Variants in CNTN4 observed in about 807,000 individuals in gnomAD.
CNTN4 encodes contactin 4, also known as contactin-4.
Under a neutral mutation model 122.5 loss-of-function variants are expected in CNTN4, and 77 were observed. The observed-to-expected ratio is 0.63, with a 90% CI of 0.52 to 0.76. The LOEUF (loss-of-function observed/expected upper bound fraction) is 0.76. CNTN4 is among the 30% of genes least tolerant of loss of function. CNTN4 has a pLI of 0.00. For synonymous variants in CNTN4, 512 were observed against 447.0 expected, an observed-to-expected ratio of 1.15 and a Z score of -1.83; for missense variants, 1,256 against 1,259.1, an observed-to-expected ratio of 1.00 and a Z score of 0.04.
At chr3:2,654,628 A>G (rs1220810620) in intron 4 of CNTN4, among the ~76,000 whole-genome samples, 1 of 152,198 alleles carries the variant, frequency 6.6e-6, no homozygotes, top group African/African-American at 2.4e-5. Context: ...CCCTGCTCAC[A>G]GTATGTATTT....
chr3:2,852,143 C>T (rs1027483985), intron 7 of CNTN4, among the ~76,000 whole-genome samples: 1 of 152,130 alleles, frequency 6.6e-6, no homozygotes, highest in African/African-American at 2.4e-5. Flanking sequence ...TATTTGTTAG[C>T]ATAATAAGCA....
At chr3:2,135,352 C>G (rs999026785) in intron 2 of CNTN4, among the ~76,000 whole-genome samples, 11 of 152,128 alleles carry the variant, frequency 7.2e-5, no homozygotes, top group African/African-American at 2.2e-4. Flanking sequence ...AATACGAGTA[C>G]TATCTGAAAG....
intron 10 of CNTN4, among the ~76,000 whole-genome samples, chr3:2,891,274 G>A (rs1050770871): frequency 5.3e-5 from 8 of 151,970 alleles, no homozygotes; most frequent in African/African-American, 1.2e-4. Flanking sequence ...AACCAGCTCC[G>A]TCTCTACTAA....
intron 3 of CNTN4, among the ~76,000 whole-genome samples, chr3:2,562,768 T>C (rs1600358): frequency 0.61 from 92,404 of 151,554 alleles, 28,673 homozygotes; most frequent in Middle Eastern, 0.72. Flanking sequence ...CTGTCACCCA[T>C]GCTGGAGTGC....
intron 6 of CNTN4, among the ~76,000 whole-genome samples, chr3:2,777,856 A>AT (rs1177577178): frequency 6.6e-6 from 1 of 152,110 alleles, no homozygotes. Flanking sequence ...GACTTAACCT[A>AT]TTACTATGTC....
At chr3:2,166,390 G>C (rs1281355156) in intron 2 of CNTN4, among the ~76,000 whole-genome samples, 1 of 152,030 alleles carries the variant, frequency 6.6e-6, no homozygotes, top group Non-Finnish European at 1.5e-5. Flanking sequence ...TTTAAATGCT[G>C]ATTCCTGGAG....
chr3:2,652,188 C>A (rs1322384516), intron 4 of CNTN4, among the ~76,000 whole-genome samples: 1 of 152,044 alleles, frequency 6.6e-6, no homozygotes, highest in East Asian at 1.9e-4. Context: ...CACCACTGCA[C>A]TGCAGCCTGG....
intron 4 of CNTN4, among the ~76,000 whole-genome samples, chr3:2,732,183 G>T (rs868477662): frequency 7.9e-5 from 12 of 152,314 alleles, no homozygotes; most frequent in Admixed American, 3.3e-4. Context: ...GTTGGCCGAT[G>T]TTCTGTTCTT....
chr3:2,834,072 G>A (rs2093161933), intron 7 of CNTN4, among the ~76,000 whole-genome samples: 1 of 151,814 alleles, frequency 6.6e-6, no homozygotes, highest in Non-Finnish European at 1.5e-5. Context: ...CTTGATCACG[G>A]GAGGCAGAGG....
chr3:2,800,854 A>G (rs1181153152), intron 6 of CNTN4, among the ~76,000 whole-genome samples: 2 of 152,162 alleles, frequency 1.3e-5, no homozygotes, highest in East Asian at 1.9e-4. Flanking sequence ...TTCTACCTGA[A>G]TGTTTTCCCG....
chr3:2,689,108 GAAAGCA>G (rs1192603292), intron 4 of CNTN4, among the ~76,000 whole-genome samples: 1 of 152,174 alleles, frequency 6.6e-6, no homozygotes, highest in African/African-American at 2.4e-5. Context: ...TGATTTCCTT[GAAAGCA>G]ACTTAGTTCT....
chr3:2,316,056 C>G (rs2043087057), intron 2 of CNTN4, among the ~76,000 whole-genome samples: 1 of 152,038 alleles, frequency 6.6e-6, no homozygotes, highest in South Asian at 2.1e-4. Flanking sequence ...TGTCACCTCC[C>G]AAATGTCTCA....
intron 4 of CNTN4, among the ~76,000 whole-genome samples, chr3:2,666,998 C>G (rs112938294): frequency 0.058 from 8,889 of 151,974 alleles, 406 homozygotes; most frequent in African/African-American, 0.13. Flanking sequence ...CATTGATGGA[C>G]ATTTGGGTTG....
chr3:2,897,201 G>T (rs2094124714), intron 10 of CNTN4, among the ~76,000 whole-genome samples: 1 of 152,106 alleles, frequency 6.6e-6, no homozygotes, highest in East Asian at 1.9e-4. Context: ...TTGAACAAAA[G>T]ATTGAAATGA....
chr3:2,589,844 G>T (rs1403757986), intron 4 of CNTN4, among the ~76,000 whole-genome samples: 1 of 152,160 alleles, frequency 6.6e-6, no homozygotes, highest in Non-Finnish European at 1.5e-5. Context: ...GAGTGTCCTC[G>T]TGACATGGCC....
chr3:2,760,662 T>G (rs2149686364), intron 6 of CNTN4, among the ~76,000 whole-genome samples: 2 of 152,320 alleles, frequency 1.3e-5, no homozygotes, highest in Middle Eastern at 6.8e-3. Flanking sequence ...GATGCTCACA[T>G]CGCATGAGCT....
At chr3:2,254,957 G>T (rs374166757) in intron 2 of CNTN4, among the ~76,000 whole-genome samples, 1 of 152,086 alleles carries the variant, frequency 6.6e-6, no homozygotes, top group Admixed American at 6.5e-5. Context: ...TGAAGTCTTT[G>T]CCCATGCCTA....
chr3:2,244,090 C>T (rs577851214), intron 2 of CNTN4, among the ~76,000 whole-genome samples: 1 of 152,040 alleles, frequency 6.6e-6, no homozygotes, highest in East Asian at 1.9e-4. Flanking sequence ...GTACTGAACC[C>T]TTATATATAC....
chr3:2,568,913 T>G (rs1403668164), intron 3 of CNTN4, among the ~76,000 whole-genome samples: 3 of 152,238 alleles, frequency 2.0e-5, no homozygotes, highest in Non-Finnish European at 4.4e-5. Flanking sequence ...TAATTTTAAT[T>G]GCTTCCAGAA....
Sources: gnomAD v4.1 joint callset for allele counts (sites outside exome capture counted in the v4.1 genomes callset) on GRCh38, gnomAD v4.1.1 for gene constraint, MANE v1.5 for transcripts, NCBI Gene and HGNC (gene_info 2026-07-23, HGNC 2026-07-21) for gene names.